Variants in ARHGAP32 observed in about 807,000 individuals in gnomAD.
ARHGAP32 encodes Rho GTPase activating protein 32.
ARHGAP32 carries 51 observed loss-of-function variants against 186.5 expected under a neutral mutation model. The ratio of observed to expected loss-of-function variants is 0.27; its 90% CI spans 0.22 to 0.35. ARHGAP32 has a LOEUF of 0.35. Ranked by LOEUF, ARHGAP32 falls within the 10% of genes least tolerant of loss-of-function variation. ARHGAP32 has a pLI of 1.00. For synonymous variants in ARHGAP32, 950 were observed against 964.3 expected, an observed-to-expected ratio of 0.99 and a Z score of 0.27; for missense variants, 2,186 against 2,623.5, an observed-to-expected ratio of 0.83 and a Z score of 3.64.
At chr11:129,055,792 A>G (rs1049067353) in intron 10 of ARHGAP32, among the ~76,000 whole-genome samples, 1 of 152,244 alleles carries the variant, frequency 6.6e-6, no homozygotes, top group African/African-American at 2.4e-5. Flanking sequence ...GGAGAAGCAC[A>G]GGAGATTTTT....
chr11:129,194,753 CA>C (rs1239359214), upstream of ARHGAP32, among the ~76,000 whole-genome samples: 4 of 142,936 alleles, frequency 2.8e-5, no homozygotes, highest in African/African-American at 5.2e-5. Flanking sequence ...AACTCCGTCT[CA>C]AAAAAAAAAG....
chr11:129,042,045 A>G (rs1275639241), intron 10 of ARHGAP32, among the ~76,000 whole-genome samples: 1 of 152,236 alleles, frequency 6.6e-6, no homozygotes, highest in Admixed American at 6.5e-5. Flanking sequence ...CATTTGCTAC[A>G]TTCTTATTTC....
At chr11:129,181,384 T>G (rs1206959311) in intron 1 of ARHGAP32, among the ~76,000 whole-genome samples, 1 of 152,162 alleles carries the variant, frequency 6.6e-6, no homozygotes, top group Non-Finnish European at 1.5e-5. Flanking sequence ...ATGTCCGAAG[T>G]GCTCAGTTTG....
chr11:129,070,963 T>C (rs933441202), intron 6 of ARHGAP32, among the ~76,000 whole-genome samples: 3 of 152,058 alleles, frequency 2.0e-5, no homozygotes, highest in African/African-American at 4.8e-5. Context: ...CCAACCTTTC[T>C]ACTGAGTATA....
chr11:129,073,153 C>T (rs1056520216), intron 6 of ARHGAP32, among the ~76,000 whole-genome samples: 2 of 152,108 alleles, frequency 1.3e-5, no homozygotes, highest in African/African-American at 4.8e-5. Flanking sequence ...ACATTACTAA[C>T]GGGCTATTTA....
At chr11:129,170,245 G>T (rs1943730799) in intron 1 of ARHGAP32, among the ~76,000 whole-genome samples, 1 of 149,190 alleles carries the variant, frequency 6.7e-6, no homozygotes, top group African/African-American at 2.5e-5. Flanking sequence ...TATGCAGAAT[G>T]CGCAGGTTTG....
rs1945214479 is a variant in ARHGAP32, at chr11:128,966,010, T to C, written c.*2897A>G. The C allele has an allele frequency of 6.6e-6, 1 of 152,178 alleles. No individual in the cohort carries two copies. The highest frequency in any genetic ancestry group is 6.5e-5 in the Admixed American group (1 of 15,268). 9.4% of individuals were successfully genotyped at this position (152,178 alleles called of 1,614,324 possible). On this transcript the variant is annotated 3_prime_UTR_variant, in exon 23 of 23. Coordinates refer to ENST00000682385, the MANE Select transcript of ARHGAP32 (RefSeq NM_001378024.1). The stretch of plus-strand genomic sequence containing the variant: ...TGGGACCATCCCAGGGACTTGCAGG[T>C]TTGAAACGAAATTGAATATAGTAAG...
rs571332255 is a variant in ARHGAP32, at chr11:129,228,885, TAAC to T, written c.-5+50258_-5+50260del. Among the ~76,000 whole-genome samples the T allele has an allele frequency of 3.4e-3, 513 of 152,246 alleles. 2 individuals carry two copies. The highest frequency in any genetic ancestry group is 0.012 in the African/African-American group (494 of 41,532). On this transcript the variant is annotated intron_variant, in intron 1 of 6. Transcript: ENST00000525234. ...AAGTAAAATTAAATGTAAAAAAAGA[TAAC>T]AAAATTGGCAATAAACTCCATTAAA... is the stretch of plus-strand genomic sequence containing the variant.
intron 1 of ARHGAP32, among the ~76,000 whole-genome samples, chr11:129,168,850 G>C: frequency 6.6e-6 from 1 of 151,502 alleles, no homozygotes; most frequent in East Asian, 1.9e-4. Context: ...AGCAATGACT[G>C]AAAGATAACT....
chr11:128,976,466 C>T, intron 20 of ARHGAP32, 97 bp downstream of exon 20: 1 of 975,326 alleles, frequency 1.0e-6, no homozygotes, highest in Non-Finnish European at 1.6e-6. Flanking sequence ...AGTTAATAGC[C>T]TATTTATTAA....
intron 5 of ARHGAP32, among the ~76,000 whole-genome samples, chr11:129,115,575 C>T (rs181004701): frequency 6.0e-4 from 92 of 152,162 alleles, no homozygotes; most frequent in Admixed American, 1.3e-3. Flanking sequence ...CCAAATAACA[C>T]GACAGCAGAA....
At chr11:129,077,435 A>G (rs1037906432) in intron 6 of ARHGAP32, among the ~76,000 whole-genome samples, 3 of 152,038 alleles carry the variant, frequency 2.0e-5, no homozygotes, top group Admixed American at 1.3e-4. Context: ...AGCTGACAGG[A>G]TATAAACTTG....
chr11:129,247,603 A>G (rs954808025), intron 1 of ARHGAP32, among the ~76,000 whole-genome samples: 1 of 152,228 alleles, frequency 6.6e-6, no homozygotes, highest in African/African-American at 2.4e-5. Flanking sequence ...ACTTTCTTTT[A>G]CATCATATGA....
chr11:129,247,282 T>A (rs907414958), intron 1 of ARHGAP32, among the ~76,000 whole-genome samples: 48 of 152,342 alleles, frequency 3.2e-4, no homozygotes, highest in African/African-American at 1.1e-3. Context: ...TTGTTCATCA[T>A]TCAAAGCTGG....
At chr11:129,184,363 T>G (rs1229703452) in intron 1 of ARHGAP32, among the ~76,000 whole-genome samples, 1 of 151,902 alleles carries the variant, frequency 6.6e-6, no homozygotes, top group African/African-American at 2.4e-5. Context: ...AAACAGAACA[T>G]GTACACTGAA....
intron 2 of ARHGAP32, among the ~76,000 whole-genome samples, chr11:129,151,740 T>C (rs1039636238): frequency 6.6e-6 from 1 of 152,126 alleles, no homozygotes; most frequent in Non-Finnish European, 1.5e-5. Context: ...GAAAAGTTCA[T>C]AGCATTAAAT....
At chr11:129,016,834 T>C (rs79798895) in intron 11 of ARHGAP32, among the ~76,000 whole-genome samples, 1,694 of 152,336 alleles carry the variant, frequency 0.011, 35 homozygotes, top group African/African-American at 0.039. Context: ...TGAGCTTTCT[T>C]TTCCATGAAC....
At chr11:129,269,107 T>C (rs1945442957) in intron 1 of ARHGAP32, among the ~76,000 whole-genome samples, 1 of 151,616 alleles carries the variant, frequency 6.6e-6, no homozygotes, top group Admixed American at 6.6e-5. Flanking sequence ...CCCATCTCTA[T>C]TTAAAAATAC....
At chr11:129,145,428 T>C (rs2135438458) in intron 2 of ARHGAP32, among the ~76,000 whole-genome samples, 1 of 128,934 alleles carries the variant, frequency 7.8e-6, no homozygotes, top group East Asian at 2.2e-4. Context: ...AAATTTCTAA[T>C]AAAGGAAGAA....
Sources: gnomAD v4.1 joint callset for allele counts (sites outside exome capture counted in the v4.1 genomes callset) on GRCh38, gnomAD v4.1.1 for gene constraint, MANE v1.5 for transcripts, NCBI Gene and HGNC (gene_info 2026-07-23, HGNC 2026-07-21) for gene names.